The following EPHA5 variants were observed in gnomAD, a reference collection of about 807,000 sequenced individuals.
EPHA5 encodes EPH receptor A5.
EPHA5 carries 60 observed loss-of-function variants against 105.0 expected under a neutral mutation model. That is an observed-to-expected ratio of 0.57 (90% CI 0.46 to 0.71). EPHA5 has a LOEUF of 0.71. Among genes scored for constraint, EPHA5 ranks in the 30% least tolerant of loss-of-function variants. EPHA5 has a pLI of 0.00. For synonymous variants in EPHA5, 513 were observed against 449.1 expected, an observed-to-expected ratio of 1.14 and a Z score of -1.80; for missense variants, 1,218 against 1,274.7, an observed-to-expected ratio of 0.96 and a Z score of 0.68.
chr4:65,537,348 C>A (rs773048328), intron 3 of EPHA5, among the ~76,000 whole-genome samples: 1 of 151,678 alleles, frequency 6.6e-6, no homozygotes. Context: ...AAAAATTACA[C>A]CACATAGAAA....
At chr4:65,382,828 C>T (rs1425680580) in intron 8 of EPHA5, among the ~76,000 whole-genome samples, 1 of 151,600 alleles carries the variant, frequency 6.6e-6, no homozygotes, top group African/African-American at 2.4e-5. Flanking sequence ...AAGAGATACT[C>T]AATAAACACG....
At chr4:65,491,272 CA>C (rs1369491595) in intron 4 of EPHA5, among the ~76,000 whole-genome samples, 1 of 150,556 alleles carries the variant, frequency 6.6e-6, no homozygotes, top group Non-Finnish European at 1.5e-5. Context: ...TACTGTATAT[CA>C]AAAAAGCATT....
intron 3 of EPHA5, among the ~76,000 whole-genome samples, chr4:65,575,858 T>A (rs1049287978): frequency 6.6e-6 from 1 of 151,222 alleles, no homozygotes; most frequent in Non-Finnish European, 1.5e-5. Flanking sequence ...GCGCCTGTAA[T>A]CCCAGCTACT....
At chr4:65,498,295 C>G (rs149499280) in intron 3 of EPHA5, among the ~76,000 whole-genome samples, 2 of 152,014 alleles carry the variant, frequency 1.3e-5, no homozygotes, top group Non-Finnish European at 2.9e-5. Flanking sequence ...ATATTTGGTA[C>G]TTTATTTTAT....
At chr4:65,567,034 A>T (rs1157173814) in intron 3 of EPHA5, among the ~76,000 whole-genome samples, 1 of 151,646 alleles carries the variant, frequency 6.6e-6, no homozygotes, top group Non-Finnish European at 1.5e-5. Context: ...AACACTCCAC[A>T]CTTTTATTTG....
chr4:65,512,637 A>T (rs1578298215), intron 3 of EPHA5, among the ~76,000 whole-genome samples: 3 of 151,914 alleles, frequency 2.0e-5, no homozygotes, highest in Admixed American at 2.0e-4. Context: ...TTTTCTGAGG[A>T]CCCCTAGAGG....
intron 8 of EPHA5, among the ~76,000 whole-genome samples, chr4:65,368,356 A>C (rs2148898838): frequency 6.6e-6 from 1 of 152,258 alleles, no homozygotes; most frequent in East Asian, 1.9e-4. Context: ...ATTCAAACTC[A>C]ATGGACCTGA....
intron 3 of EPHA5, among the ~76,000 whole-genome samples, chr4:65,583,303 A>C: frequency 6.6e-6 from 1 of 151,722 alleles, no homozygotes; most frequent in East Asian, 1.9e-4. Context: ...TAAAGAGAAA[A>C]TTAATTTAAA....
chr4:65,412,739 TTAAG>T (rs1044777040), intron 7 of EPHA5, among the ~76,000 whole-genome samples: 6 of 152,124 alleles, frequency 3.9e-5, no homozygotes, highest in African/African-American at 1.4e-4. Flanking sequence ...CAGGAAATGA[TTAAG>T]TATTAGTCCT....
chr4:65,667,449 C>T (rs1194002699), intron 1 of EPHA5, among the ~76,000 whole-genome samples: 7 of 151,980 alleles, frequency 4.6e-5, no homozygotes, highest in African/African-American at 2.4e-5. Context: ...TTCAGAGCAC[C>T]AGGTGGTAAG....
At chr4:65,596,529 C>T (rs773981490) in intron 3 of EPHA5, among the ~76,000 whole-genome samples, 7 of 151,914 alleles carry the variant, frequency 4.6e-5, no homozygotes, top group Non-Finnish European at 8.8e-5. Context: ...AGAGTACTCT[C>T]AAAAATTTTA....
intron 3 of EPHA5, among the ~76,000 whole-genome samples, chr4:65,498,688 C>G (rs1348837063): frequency 1.3e-5 from 2 of 151,674 alleles, no homozygotes; most frequent in Non-Finnish European, 3.0e-5. Flanking sequence ...TTGGCTTAAA[C>G]TTTACAGAAA....
intron 2 of EPHA5, among the ~76,000 whole-genome samples, chr4:65,616,087 TG>T (rs530112774): frequency 5.7e-4 from 87 of 151,958 alleles, no homozygotes; most frequent in East Asian, 5.2e-3. Context: ...TTATATATCA[TG>T]GAATACGACT....
chr4:65,390,194 T>C (rs144347653), intron 8 of EPHA5, among the ~76,000 whole-genome samples: 440 of 152,126 alleles, frequency 2.9e-3, no homozygotes, highest in African/African-American at 0.01. Context: ...ACAGCATGTA[T>C]TTGAGATGCA....
chr4:65,609,854 T>A (rs373109565), intron 2 of EPHA5, among the ~76,000 whole-genome samples: 363 of 152,118 alleles, frequency 2.4e-3, no homozygotes, highest in African/African-American at 8.4e-3. Context: ...ATGATGAACA[T>A]AATATGCAAA....
intron 8 of EPHA5, among the ~76,000 whole-genome samples, chr4:65,391,374 A>T (rs1720700217): frequency 6.6e-6 from 1 of 152,164 alleles, no homozygotes; most frequent in Non-Finnish European, 1.5e-5. Context: ...TTGCTGATCT[A>T]TTAGAAACAT....
At chr4:65,375,238 C>CT (rs1253713003) in intron 8 of EPHA5, among the ~76,000 whole-genome samples, 1 of 151,668 alleles carries the variant, frequency 6.6e-6, no homozygotes, top group African/African-American at 2.4e-5. Flanking sequence ...TCCATGAAGA[C>CT]TGGTAGCATT....
chr4:65,639,365 A>G (rs1384722841), intron 2 of EPHA5, among the ~76,000 whole-genome samples: 1 of 152,180 alleles, frequency 6.6e-6, no homozygotes, highest in Non-Finnish European at 1.5e-5. Context: ...TGGATATTGA[A>G]TTCTAGCTCC....
intron 3 of EPHA5, among the ~76,000 whole-genome samples, chr4:65,524,566 A>G (rs910089710): frequency 6.6e-6 from 1 of 151,830 alleles, no homozygotes; most frequent in East Asian, 1.9e-4. Context: ...AAACAGAAAA[A>G]TATAACTTAA....
Sources: allele counts gnomAD v4.1 joint callset (sites outside exome capture counted in the v4.1 genomes callset), GRCh38; gene constraint gnomAD v4.1.1; transcripts MANE v1.5; gene names NCBI Gene and HGNC (gene_info 2026-07-23, HGNC 2026-07-21).